The following USP30 variants were observed in gnomAD, a reference collection of about 807,000 sequenced individuals.
USP30 encodes ubiquitin carboxyl-terminal hydrolase 30.
In USP30, 41 loss-of-function variants were observed where a neutral mutation model predicts 68.2. The ratio of observed to expected loss-of-function variants is 0.60; its 90% CI spans 0.47 to 0.78. USP30 has a LOEUF of 0.78. USP30 is among the 30% of genes least tolerant of loss of function. The probability of loss-of-function intolerance (pLI) is 0.00; values close to 1 mark genes in which losing one functional copy is unlikely to be tolerated. For missense variants in USP30, 522 were observed against 649.4 expected (o/e 0.80, Z 2.13); for synonymous variants, 229 against 253.7 (o/e 0.90, Z 0.93).
intron 1 of USP30, among the ~76,000 whole-genome samples, chr12:109,055,054 AAC>A (rs1417952197): frequency 1.3e-5 from 2 of 152,096 alleles, no homozygotes; most frequent in Non-Finnish European, 2.9e-5. Flanking sequence ...ATGCATGTGT[AAC>A]ATATATGCAG....
intron 11 of USP30, 21 bp downstream of exon 11, chr12:109,083,083 G>A (rs373199260): frequency 2.0e-5 from 32 of 1,563,438 alleles, no homozygotes; most frequent in South Asian, 1.4e-4. Context: ...GCGAGGAGCC[G>A]ATGCAGCAGG....
chr12:109,052,510 G>T (rs1005427209), upstream of USP30: 1 of 503,726 alleles, frequency 2.0e-6, no homozygotes, highest in Non-Finnish European at 3.2e-6. Flanking sequence ...TGCTCTCCGG[G>T]GGCAGCTACT....
chr12:109,076,021 C>A (rs959211932), intron 7 of USP30, among the ~76,000 whole-genome samples: 1 of 151,870 alleles, frequency 6.6e-6, no homozygotes, highest in Non-Finnish European at 1.5e-5. Flanking sequence ...TGTGTCATTG[C>A]GGTTCTGAGT....
chr12:109,033,483 C>T (rs1217082960), intron 3 of USP30, among the ~76,000 whole-genome samples: 1 of 152,140 alleles, frequency 6.6e-6, no homozygotes, highest in African/African-American at 2.4e-5. Flanking sequence ...TTTGAGCAGC[C>T]AGGCTTGCAG....
At chr12:109,034,732 C>T (rs1357080315) in intron 3 of USP30, among the ~76,000 whole-genome samples, 6 of 152,154 alleles carry the variant, frequency 3.9e-5, no homozygotes, top group African/African-American at 1.4e-4. Context: ...AAGTCTCCAA[C>T]CATTACTGTT....
At chr12:109,035,903 C>T (rs1159192489) in intron 3 of USP30, among the ~76,000 whole-genome samples, 2 of 152,142 alleles carry the variant, frequency 1.3e-5, no homozygotes, top group Non-Finnish European at 2.9e-5. Flanking sequence ...TGACTTATGT[C>T]TGTAATCCTA....
rs1222493721 is a variant in USP30, at chr12:109,082,580, G to A, written c.868-83G>A. On this transcript the variant is annotated intron_variant, in intron 9 of 12. Transcript: ENST00000257548. ...AGCAGTCAAGTGCCAATTGTGTGCC[G>A]CTATAACACCACTGTGGTCTGCAGC... 5.8e-6 allele frequency: 8 copies of A among 1,374,290 alleles called. No homozygotes were observed. In the Admixed American group the frequency reaches 6.1e-5, roughly 11 times the overall value. The allele number at this position is 1,374,290 out of a possible 1,614,324, so 85.1% of individuals were successfully genotyped here.
intron 3 of USP30, among the ~76,000 whole-genome samples, chr12:109,030,741 G>C (rs1166892813): frequency 6.6e-6 from 1 of 152,008 alleles, no homozygotes; most frequent in Non-Finnish European, 1.5e-5. Context: ...TAAGTCCCCC[G>C]ACTAACTGGG....
chr12:109,039,506 T>A (rs901356562), intron 3 of USP30, among the ~76,000 whole-genome samples: 4 of 152,172 alleles, frequency 2.6e-5, no homozygotes, highest in African/African-American at 9.7e-5. Flanking sequence ...TGCCCATGAA[T>A]GTAGTGAGAA....
chr12:109,082,049 A>C (rs1289893198), intron 9 of USP30, 30 bp downstream of exon 9: 1 of 1,611,864 alleles, frequency 6.2e-7, no homozygotes, highest in Non-Finnish European at 8.5e-7. Flanking sequence ...TGTCATCGCC[A>C]GCTGGCCTGT....
rs869151175 is a variant in USP30 at position 109,055,396 on chromosome 12, ATATATTTTTT to A, written c.84-1284_84-1275del. Among the ~76,000 whole-genome samples the A allele has an allele frequency of 8.4e-3, 343 of 40,640 alleles. 12 individuals are homozygous for A. The highest frequency in any genetic ancestry group is 0.012 in the Non-Finnish European group (255 of 20,436). The allele number at this position is 40,640 out of a possible 152,430, so 26.7% of individuals were successfully genotyped here. A position where few individuals can be genotyped will look rare whatever the true frequency, so the allele number is the denominator to read the frequency against. ...TATATATACATATATATATATATAT[ATATATTTTTT>A]TTTTTTTTTTTTTTGAGGCAGAGTC... On this transcript the variant is annotated intron_variant, in intron 1 of 12. Coordinates refer to ENST00000257548, the MANE Select transcript of USP30 (RefSeq NM_032663.5).
intron 1 of USP30, among the ~76,000 whole-genome samples, chr12:109,055,379 C>CATATATATATATAT (rs71443831): frequency 1.5e-4 from 9 of 58,936 alleles, no homozygotes; most frequent in African/African-American, 6.2e-4. Context: ...CATATATATA[C>CATATATATATATAT]ATATATATAT....
chr12:109,025,735 G>GA (rs2040440477), intron 2 of USP30, among the ~76,000 whole-genome samples: 1 of 150,780 alleles, frequency 6.6e-6, no homozygotes, highest in Admixed American at 6.6e-5. Flanking sequence ...GCAGTGGTGT[G>GA]ATCACAGCTC....
At chr12:109,037,207 G>T (rs4388979) in intron 3 of USP30, among the ~76,000 whole-genome samples, 83,545 of 151,876 alleles carry the variant, frequency 0.55, 23,968 homozygotes, top group East Asian at 0.82. Flanking sequence ...TGTTGTGCTC[G>T]CTAGTGAATT....
upstream of USP30, among the ~76,000 whole-genome samples, chr12:109,051,249 CTTTTTTTTTT>C (rs138942249): frequency 1.6e-5 from 1 of 63,566 alleles, no homozygotes; most frequent in South Asian, 8.6e-4. Context: ...TTACCTCTTG[CTTTTTTTTTT>C]TTTTTTTTTT....
intron 3 of USP30, among the ~76,000 whole-genome samples, chr12:109,033,895 T>C (rs752894102): frequency 1.3e-5 from 2 of 152,144 alleles, no homozygotes; most frequent in Non-Finnish European, 2.9e-5. Flanking sequence ...AGATGTCTAA[T>C]CAGTACAATA....
chr12:109,035,705 T>G (rs1235626808), intron 3 of USP30, among the ~76,000 whole-genome samples: 1 of 152,222 alleles, frequency 6.6e-6, no homozygotes, highest in African/African-American at 2.4e-5. Context: ...AATACCAACT[T>G]AATTTCAATA....
upstream of USP30, among the ~76,000 whole-genome samples, chr12:109,050,105 C>T (rs1352883813): frequency 1.3e-5 from 2 of 152,130 alleles, no homozygotes; most frequent in African/African-American, 4.8e-5. Flanking sequence ...AGCAGCCTGG[C>T]CAATATGGTG....
intron 3 of USP30, among the ~76,000 whole-genome samples, chr12:109,059,415 C>T (rs1288757225): frequency 6.6e-6 from 1 of 152,206 alleles, no homozygotes; most frequent in African/African-American, 2.4e-5. Flanking sequence ...AGGCTAGTCT[C>T]AAACTCCTGG....
Sources: allele counts gnomAD v4.1 joint callset (sites outside exome capture counted in the v4.1 genomes callset), GRCh38; gene constraint gnomAD v4.1.1; transcripts MANE v1.5; gene names NCBI Gene and HGNC (gene_info 2026-07-23, HGNC 2026-07-21).